The following CWC27 variants were observed in gnomAD, a reference collection of about 807,000 sequenced individuals.
CWC27 encodes the protein spliceosome-associated protein CWC27 homolog.
CWC27 carries 47 observed loss-of-function variants against 63.6 expected under a neutral mutation model. That is an observed-to-expected ratio of 0.74 (90% confidence interval 0.58 to 0.94). CWC27 has a LOEUF of 0.94. Among genes scored for constraint, CWC27 ranks in the 40% least tolerant of loss-of-function variants. The pLI is 0.00. For missense variants in CWC27, 495 were observed against 554.3 expected (o/e 0.89, Z 1.07); for synonymous variants, 175 against 179.8 (o/e 0.97, Z 0.22).
intron 11 of CWC27, among the ~76,000 whole-genome samples, chr5:64,956,176 G>A (rs1748799536): frequency 6.6e-6 from 1 of 151,956 alleles, no homozygotes; most frequent in Non-Finnish European, 1.5e-5. Flanking sequence ...TCAATAATTA[G>A]GTATAGGAAT....
intron 11 of CWC27, among the ~76,000 whole-genome samples, chr5:64,935,456 G>C (rs1748325854): frequency 6.6e-6 from 1 of 152,116 alleles, no homozygotes; most frequent in Admixed American, 6.5e-5. Flanking sequence ...TATTCCATTG[G>C]TCTGTATGTC....
At chr5:64,912,157 A>T (rs1011842204) in intron 11 of CWC27, among the ~76,000 whole-genome samples, 8 of 152,066 alleles carry the variant, frequency 5.3e-5, no homozygotes, top group Admixed American at 4.6e-4. Flanking sequence ...CAGTACCTGA[A>T]ATTGAATTAA....
At chr5:64,873,333 A>T (rs887988331) in intron 10 of CWC27, among the ~76,000 whole-genome samples, 1 of 152,096 alleles carries the variant, frequency 6.6e-6, no homozygotes, top group Non-Finnish European at 1.5e-5. Context: ...AAAATACATC[A>T]ATTAAGTAAC....
chr5:64,917,390 T>C (rs1000730006), intron 11 of CWC27, among the ~76,000 whole-genome samples: 2 of 152,210 alleles, frequency 1.3e-5, no homozygotes, highest in African/African-American at 4.8e-5. Context: ...TGCTCTCAAC[T>C]GCTTCAGGAA....
chr5:64,986,112 C>T lies in CWC27; in HGVS notation c.1256+8874C>T, dbSNP rs144909636. ...CTCCTGCCACCACAATAAAGAAGGA[C>T]GTGTTTGCCTCCCCTTCCAACATGA... On this transcript the variant is annotated intron_variant, in intron 13 of 13. Transcript: ENST00000381070. 4.9e-4 allele frequency among the ~76,000 whole-genome samples: 74 copies of T among 152,184 alleles called. 1 individual carries two copies. The highest frequency in any genetic ancestry group is 3.9e-3 in the East Asian group (20 of 5,180).
chr5:64,793,777 G>C (rs1459191), intron 7 of CWC27, among the ~76,000 whole-genome samples: 48,015 of 151,964 alleles, frequency 0.32, 8,541 homozygotes, highest in Middle Eastern at 0.51. Flanking sequence ...TCTTTTTTCA[G>C]TGACTGCACA....
chr5:64,900,695 T>C (rs1006135339), intron 11 of CWC27, among the ~76,000 whole-genome samples: 1 of 152,160 alleles, frequency 6.6e-6, no homozygotes, highest in African/African-American at 2.4e-5. Flanking sequence ...AGATTTTACA[T>C]TAAGATTTGA....
chr5:64,813,798 A>T (rs1487322008), intron 10 of CWC27, among the ~76,000 whole-genome samples: 1 of 152,210 alleles, frequency 6.6e-6, no homozygotes, highest in African/African-American at 2.4e-5. Flanking sequence ...TAAATTGGAA[A>T]GTATAGTTTG....
chr5:64,965,221 A>G (rs1307410521), intron 11 of CWC27, among the ~76,000 whole-genome samples: 6 of 152,208 alleles, frequency 3.9e-5, no homozygotes, highest in Admixed American at 6.5e-5. Flanking sequence ...CCTGTGATTT[A>G]CCCATTCTGC....
At chr5:64,787,232 G>T (rs1465164150) in intron 6 of CWC27, among the ~76,000 whole-genome samples, 1 of 151,942 alleles carries the variant, frequency 6.6e-6, no homozygotes, top group African/African-American at 2.4e-5. Context: ...GGTTTTGTTT[G>T]TTTGTTTGTT....
At chr5:64,835,566 T>C (rs1383254908) in intron 10 of CWC27, among the ~76,000 whole-genome samples, 4 of 151,918 alleles carry the variant, frequency 2.6e-5, no homozygotes, top group Admixed American at 6.6e-5. Flanking sequence ...TCTTGCTAAA[T>C]ATAGGTAATG....
At chr5:64,958,902 T>C (rs1748853036) in intron 11 of CWC27, among the ~76,000 whole-genome samples, 1 of 152,174 alleles carries the variant, frequency 6.6e-6, no homozygotes, top group Non-Finnish European at 1.5e-5. Flanking sequence ...CATACTTTAA[T>C]GTTCAAGTAT....
chr5:64,954,400 C>T lies in CWC27; in HGVS notation c.1043-17303C>T, dbSNP rs147891876. ...TACTCCTGGGCTCAGGCGATCCTCCCGACTCATCCTCCCAAGTAGCTAGGA... is the reference window on the plus strand; with the variant it reads ...TACTCCTGGGCTCAGGCGATCCTCCTGACTCATCCTCCCAAGTAGCTAGGA... On this transcript the variant is annotated intron_variant, in intron 11 of 13. Coordinates refer to ENST00000381070, the MANE Select transcript of CWC27 (RefSeq NM_005869.4). 9.1e-4 allele frequency among the ~76,000 whole-genome samples: 139 copies of T among 152,100 alleles called. 3 individuals are homozygous for T. The East Asian group carries it at 0.025, about 28-fold the overall frequency.
chr5:64,921,867 C>T (rs891891892), intron 11 of CWC27, among the ~76,000 whole-genome samples: 13 of 152,200 alleles, frequency 8.5e-5, no homozygotes, highest in Admixed American at 5.2e-4. Flanking sequence ...AACAAAGTCC[C>T]TTAGCATTTG....
At chr5:64,832,975 C>A (rs901831830) in intron 10 of CWC27, among the ~76,000 whole-genome samples, 1 of 151,652 alleles carries the variant, frequency 6.6e-6, no homozygotes, top group African/African-American at 2.4e-5. Context: ...CTGGCTCTGC[C>A]GAGCTATGAA....
chr5:64,865,641 G>A (rs991354688), intron 10 of CWC27, among the ~76,000 whole-genome samples: 1 of 151,952 alleles, frequency 6.6e-6, no homozygotes, highest in African/African-American at 2.4e-5. Context: ...TTTTTAGAGG[G>A]AAGATGGTTT....
intron 11 of CWC27, among the ~76,000 whole-genome samples, chr5:64,943,536 G>A (rs1748531755): frequency 6.6e-6 from 1 of 152,044 alleles, no homozygotes; most frequent in South Asian, 2.1e-4. Flanking sequence ...GACAAACATG[G>A]CACATCTTGG....
At position 64,923,050 on chromosome 5, in the gene CWC27, T is replaced by G. The variant is rs370976486; in HGVS notation, c.1042+37504T>G. On this transcript the variant is annotated intron_variant, in intron 11 of 13. Coordinates refer to ENST00000381070, the MANE Select transcript of CWC27 (RefSeq NM_005869.4). Reference sequence around the variant, plus strand: ...ACAGTACTCTGTTGAGGGTGCTGTGTGCATAAGTGCTCTGATGGAGGTGCC... The same window carrying G: ...ACAGTACTCTGTTGAGGGTGCTGTGGGCATAAGTGCTCTGATGGAGGTGCC... Among the ~76,000 whole-genome samples the G allele has an allele frequency of 2.0e-5, 3 of 152,150 alleles. No individual in the cohort carries two copies. In the East Asian group the frequency reaches 5.8e-4, roughly 29 times the overall value.
intron 10 of CWC27, among the ~76,000 whole-genome samples, chr5:64,855,272 T>C (rs1490174641): frequency 6.6e-6 from 1 of 151,950 alleles, no homozygotes; most frequent in Non-Finnish European, 1.5e-5. Flanking sequence ...TTCAGAAGAG[T>C]GTTTTCAGTA....
Sources: gnomAD v4.1 joint callset for allele counts (sites outside exome capture counted in the v4.1 genomes callset) on GRCh38, gnomAD v4.1.1 for gene constraint, MANE v1.5 for transcripts, NCBI Gene and HGNC (gene_info 2026-07-23, HGNC 2026-07-21) for gene names.